The following TDP1 variants were observed in gnomAD, a reference collection of about 807,000 sequenced individuals.
TDP1 encodes tyr-DNA phosphodiesterase 1.
Under a neutral mutation model 81.5 loss-of-function variants are expected in TDP1, and 64 were observed. The observed-to-expected ratio is 0.79, with a 90% CI of 0.64 to 0.97. TDP1 has a LOEUF of 0.97. TDP1 is among the 50% of genes least tolerant of loss of function. The pLI is 0.00. For missense variants in TDP1, 723 were observed against 743.8 expected (o/e 0.97, Z 0.33); for synonymous variants, 256 against 264.3 (o/e 0.97, Z 0.30).
At chr14:89,962,678 A>G (rs1317813832) in intron 2 of TDP1, among the ~76,000 whole-genome samples, 1 of 151,944 alleles carries the variant, frequency 6.6e-6, no homozygotes, top group Non-Finnish European at 1.5e-5. Flanking sequence ...AGCCTGGGCA[A>G]CAATAATGAA....
rs780471860 is a variant in TDP1, at chr14:90,043,277, A to G, written c.*134A>G. The G allele has an allele frequency of 7.5e-5, 73 of 978,540 alleles. No individual in the cohort carries two copies. The highest frequency in any genetic ancestry group is 1.1e-4 in the Non-Finnish European group (70 of 627,732). The allele number at this position is 978,540 out of a possible 1,614,324, so 60.6% of individuals were successfully genotyped here. On this transcript the variant is annotated 3_prime_UTR_variant, in exon 17 of 17. Coordinates refer to ENST00000335725, the MANE Select transcript of TDP1 (RefSeq NM_018319.4). ...CAAAATCTTTCCAAAGGTCACTCTT[A>G]TGAATGGATGTTGGTTATACTTTTA...
At chr14:89,998,681 T>C (rs1190120126) in intron 14 of TDP1, among the ~76,000 whole-genome samples, 1 of 151,576 alleles carries the variant, frequency 6.6e-6, no homozygotes, top group Non-Finnish European at 1.5e-5. Flanking sequence ...GTGGTGACAT[T>C]CATGCAGAGA....
chr14:90,007,777 T>C (rs969074937), intron 14 of TDP1, among the ~76,000 whole-genome samples: 10 of 150,952 alleles, frequency 6.6e-5, no homozygotes, highest in African/African-American at 2.4e-4. Flanking sequence ...TAATTTTTTA[T>C]TTTTTTTTAG....
At chr14:90,013,202 G>A (rs974684892) in intron 14 of TDP1, among the ~76,000 whole-genome samples, 3 of 152,190 alleles carry the variant, frequency 2.0e-5, no homozygotes, top group Admixed American at 6.5e-5. Flanking sequence ...GACTTTGGGA[G>A]GCTGTTGGGA....
intron 15 of TDP1, among the ~76,000 whole-genome samples, chr14:90,023,978 C>G (rs1427604309): frequency 6.6e-6 from 1 of 152,138 alleles, no homozygotes; most frequent in Admixed American, 6.5e-5. Flanking sequence ...TAATCTGTTC[C>G]CTCTGAACAC....
At position 90,043,061 on chromosome 14, in the gene TDP1, T is replaced by C. The variant is rs753252719; in HGVS notation, c.1754-9T>C. ...CAAATAAATATTACGTAATGTGTTTTTCCCCCAGATCGGCCATGGATATGG... is the reference window on the plus strand; with the variant it reads ...CAAATAAATATTACGTAATGTGTTTCTCCCCCAGATCGGCCATGGATATGG... On this transcript the variant is annotated splice_polypyrimidine_tract_variant and intron_variant, in intron 16 of 16. Coordinates refer to ENST00000335725, the MANE Select transcript of TDP1 (RefSeq NM_018319.4). 8.7e-6 allele frequency: 14 copies of C among 1,614,084 alleles called. No homozygotes were observed. The Admixed American group carries it at 1.7e-4, about 19-fold the overall frequency.
intron 14 of TDP1, among the ~76,000 whole-genome samples, chr14:90,010,159 G>T (rs1252761495): frequency 6.6e-6 from 1 of 152,162 alleles, no homozygotes; most frequent in Non-Finnish European, 1.5e-5. Context: ...TTTGTCAAAA[G>T]ACACCATTTT....
At chr14:89,989,882 G>A (rs1895995529) in intron 12 of TDP1, 117 bp downstream of exon 12, 2 of 812,692 alleles carry the variant, frequency 2.5e-6, no homozygotes, top group Admixed American at 3.9e-5. Flanking sequence ...ACTATATAAG[G>A]ATCATGAAAA....
chr14:90,023,358 G>A (rs1038187009), intron 15 of TDP1, among the ~76,000 whole-genome samples: 2 of 152,132 alleles, frequency 1.3e-5, no homozygotes, highest in Non-Finnish European at 2.9e-5. Context: ...TTGGAATGGG[G>A]ATGGGGCGTG....
chr14:89,984,726 A>T (rs372581664), intron 9 of TDP1, 43 bp downstream of exon 9: 38 of 1,608,938 alleles, frequency 2.4e-5, no homozygotes, highest in Non-Finnish European at 3.2e-5. Context: ...TGATAGGCTT[A>T]TACCTTGGGA....
intron 16 of TDP1, chr14:90,033,532 T>G (rs1293154299): frequency 1.1e-5 from 4 of 367,964 alleles, no homozygotes; most frequent in African/African-American, 8.4e-5. Flanking sequence ...CACCATAGCT[T>G]AGTCTAGCCT....
chr14:89,993,178 G>A (rs1336964320), intron 13 of TDP1, 198 bp from the exon 14 acceptor site: 1 of 982,898 alleles, frequency 1.0e-6, no homozygotes, highest in Admixed American at 6.2e-5. Flanking sequence ...TGCTTCTTGT[G>A]AAAAGTGGGA....
At chr14:90,010,964 G>T (rs1240594549) in intron 14 of TDP1, among the ~76,000 whole-genome samples, 1 of 152,148 alleles carries the variant, frequency 6.6e-6, no homozygotes, top group Non-Finnish European at 1.5e-5. Context: ...TTGAATTGTA[G>T]CACCCATAAT....
At chr14:89,983,515 T>C (rs757925264) in intron 8 of TDP1, among the ~76,000 whole-genome samples, 1 of 152,078 alleles carries the variant, frequency 6.6e-6, no homozygotes, top group Non-Finnish European at 1.5e-5. Context: ...GAAAGAGAAA[T>C]TGGGCAGTTT....
chr14:90,023,413 A>C (rs1323503295), intron 15 of TDP1, among the ~76,000 whole-genome samples: 1 of 152,200 alleles, frequency 6.6e-6, no homozygotes, highest in Non-Finnish European at 1.5e-5. Context: ...ACTGGAGAAC[A>C]GAACACACCA....
At chr14:90,041,179 G>T (rs2140355519) in intron 16 of TDP1, among the ~76,000 whole-genome samples, 1 of 152,286 alleles carries the variant, frequency 6.6e-6, no homozygotes, top group African/African-American at 2.4e-5. Flanking sequence ...GAAACGATGG[G>T]TAAATAACAG....
chr14:89,977,368 G>A (rs1391617754), intron 7 of TDP1, among the ~76,000 whole-genome samples: 1 of 152,096 alleles, frequency 6.6e-6, no homozygotes, highest in African/African-American at 2.4e-5. Flanking sequence ...CGCAATCTCA[G>A]CTCGTTACAA....
rs995990666 is a variant in TDP1, at chr14:89,975,728, G to C, written c.757-53G>C. ...TTGCTTTCTAATGTAATTTCCAGTA[G>C]ATATGGATATTAGTGAGTTGTTTTT... On this transcript the variant is annotated intron_variant, in intron 6 of 16. Transcript: ENST00000335725. 2.8e-6 allele frequency: 4 copies of C among 1,422,836 alleles called. No individual in the cohort carries two copies. In the African/African-American group the frequency reaches 4.2e-5, roughly 15 times the overall value. 88.1% of individuals were successfully genotyped at this position (1,422,836 alleles called of 1,614,324 possible). A position where few individuals can be genotyped will look rare whatever the true frequency, so the allele number is the denominator to read the frequency against.
intron 14 of TDP1, among the ~76,000 whole-genome samples, chr14:90,004,706 G>A (rs972102541): frequency 6.6e-6 from 1 of 152,228 alleles, no homozygotes; most frequent in African/African-American, 2.4e-5. Flanking sequence ...TCTAATTGAT[G>A]TAGACCTATC....
Sources: allele counts gnomAD v4.1 joint callset (sites outside exome capture counted in the v4.1 genomes callset), GRCh38; gene constraint gnomAD v4.1.1; transcripts MANE v1.5; gene names NCBI Gene and HGNC (gene_info 2026-07-23, HGNC 2026-07-21).